The following CACNG3 variants were observed in gnomAD, a reference collection of about 807,000 sequenced individuals.
CACNG3 encodes voltage-dependent calcium channel gamma-3 subunit.
A neutral mutation model predicts 28.5 loss-of-function variants in CACNG3; 3 were observed. That is an observed-to-expected ratio of 0.11 (90% confidence interval 0.05 to 0.27). CACNG3 has a LOEUF of 0.27. Among genes scored for constraint, CACNG3 ranks in the 10% least tolerant of loss-of-function variants. The pLI, the probability that CACNG3 is intolerant of heterozygous loss-of-function variation, is 1.00. For synonymous variants in CACNG3, 174 were observed against 162.2 expected, an observed-to-expected ratio of 1.07 and a Z score of -0.55; for missense variants, 236 against 414.4, an observed-to-expected ratio of 0.57 and a Z score of 3.74.
chr16:24,306,979 G>A (rs1163182882), intron 1 of CACNG3, among the ~76,000 whole-genome samples: 2 of 152,120 alleles, frequency 1.3e-5, no homozygotes, highest in South Asian at 4.1e-4. Context: ...TGCCGCTCCG[G>A]GTACTGCTCT....
chr16:24,350,014 C>T (rs1899920152), intron 2 of CACNG3, among the ~76,000 whole-genome samples: 1 of 152,106 alleles, frequency 6.6e-6, no homozygotes, highest in East Asian at 1.9e-4. Flanking sequence ...CCCTTAAGAC[C>T]TTAACTTAGC....
At chr16:24,285,153 G>A (rs1448895089) in intron 1 of CACNG3, among the ~76,000 whole-genome samples, 1 of 152,144 alleles carries the variant, frequency 6.6e-6, no homozygotes, top group African/African-American at 2.4e-5. Flanking sequence ...GACTTACTCT[G>A]GGAAAGGCAC....
intron 1 of CACNG3, among the ~76,000 whole-genome samples, chr16:24,283,151 G>A (rs958319324): frequency 2.0e-5 from 3 of 152,136 alleles, no homozygotes; most frequent in East Asian, 1.9e-4. Flanking sequence ...CTAGAAGAGC[G>A]CCTTCTTCTC....
At chr16:24,351,839 T>C (rs1325252591) in intron 2 of CACNG3, among the ~76,000 whole-genome samples, 1 of 144,268 alleles carries the variant, frequency 6.9e-6, no homozygotes, top group Non-Finnish European at 1.5e-5. Context: ...CTCTTTTTTT[T>C]TTTTTTTTTT....
chr16:24,321,914 A>G (rs1329425174), intron 1 of CACNG3, among the ~76,000 whole-genome samples: 1 of 152,228 alleles, frequency 6.6e-6, no homozygotes, highest in Non-Finnish European at 1.5e-5. Context: ...AGGTACGTAG[A>G]GGAAAAATCA....
At chr16:24,335,814 G>A (rs151069991) in intron 1 of CACNG3, among the ~76,000 whole-genome samples, 120 of 152,146 alleles carry the variant, frequency 7.9e-4, no homozygotes, top group Middle Eastern at 6.8e-3. Flanking sequence ...GGTGGCTCAC[G>A]CCTGTAATCT....
At chr16:24,331,257 A>C (rs1196530036) in intron 1 of CACNG3, among the ~76,000 whole-genome samples, 1 of 152,106 alleles carries the variant, frequency 6.6e-6, no homozygotes, top group East Asian at 1.9e-4. Flanking sequence ...TTCACTCTAA[A>C]CCTCCCAAAC....
chr16:24,286,664 T>A (rs77955161), intron 1 of CACNG3, among the ~76,000 whole-genome samples: 1,598 of 152,308 alleles, frequency 0.01, 37 homozygotes, highest in African/African-American at 0.037. Flanking sequence ...CTTAGGTACA[T>A]GTCTTCCGTC....
At chr16:24,304,358 A>G (rs1316009159) in intron 1 of CACNG3, among the ~76,000 whole-genome samples, 1 of 152,098 alleles carries the variant, frequency 6.6e-6, no homozygotes, top group Non-Finnish European at 1.5e-5. Flanking sequence ...CATTTTTTTT[A>G]GCTTTTTAAA....
chr16:24,341,875 G>A (rs1036583423), intron 1 of CACNG3, among the ~76,000 whole-genome samples: 11 of 152,130 alleles, frequency 7.2e-5, no homozygotes, highest in Non-Finnish European at 1.3e-4. Context: ...CGTCATCCAG[G>A]GATTCATTAC....
chr16:24,313,095 G>GGAAA (rs1899296977), intron 1 of CACNG3, among the ~76,000 whole-genome samples: 1 of 151,206 alleles, frequency 6.6e-6, no homozygotes, highest in Admixed American at 6.6e-5. Flanking sequence ...AAGGAAGGAA[G>GGAAA]GAAGGAAGGA....
chr16:24,350,563 A>G (rs1388339414), intron 2 of CACNG3, among the ~76,000 whole-genome samples: 1 of 152,136 alleles, frequency 6.6e-6, no homozygotes, highest in East Asian at 1.9e-4. Flanking sequence ...TTGCCTCCCA[A>G]AGTGCTGAGA....
chr16:24,324,706 C>G (rs998878967), intron 1 of CACNG3, among the ~76,000 whole-genome samples: 9 of 152,118 alleles, frequency 5.9e-5, no homozygotes, highest in Non-Finnish European at 1.0e-4. Flanking sequence ...GGCCCATGTG[C>G]TCTCCCTCCT....
intron 1 of CACNG3, among the ~76,000 whole-genome samples, chr16:24,316,756 T>C (rs1377001969): frequency 6.6e-6 from 1 of 152,204 alleles, no homozygotes; most frequent in African/African-American, 2.4e-5. Flanking sequence ...TGACACGGTT[T>C]GGCCCAGTTA....
chr16:24,297,904 C>G (rs546938265), intron 1 of CACNG3, among the ~76,000 whole-genome samples: 2 of 152,154 alleles, frequency 1.3e-5, no homozygotes, highest in East Asian at 1.9e-4. Flanking sequence ...GGATCATACC[C>G]CAAAGTTGTT....
chr16:24,271,865 C>A (rs1001018423), intron 1 of CACNG3, among the ~76,000 whole-genome samples: 1 of 149,092 alleles, frequency 6.7e-6, no homozygotes, highest in Non-Finnish European at 1.5e-5. Flanking sequence ...GTGAGTCCCC[C>A]AAGGTGCCCC....
intron 1 of CACNG3, among the ~76,000 whole-genome samples, chr16:24,332,914 G>A (rs1018497069): frequency 2.0e-5 from 3 of 152,094 alleles, no homozygotes; most frequent in Non-Finnish European, 2.9e-5. Context: ...GAGGCAAAAC[G>A]TGATGTGTTA....
Position 24,256,335 on chromosome 16 carries a change from A to T in CACNG3, c.-420A>T. ...CACGCACGCACACACACACACACAC[A>T]CACTCACACAGAGACCTCTCTGGGT... On this transcript the variant is annotated 5_prime_UTR_variant, in exon 1 of 4. Transcript: ENST00000005284. This position sits in a 1 kb window ranked among gnomAD's most constrained non-coding sequence, Gnocchi z 4.6. 1.3e-5 allele frequency: 3 copies of T among 227,002 alleles called. No individual in the cohort carries two copies. Among genetic ancestry groups the T allele is most frequent in the African/African-American group, 2.3e-5 (1 of 43,510 alleles). The allele number at this position is 227,002 out of a possible 1,614,324, so 14.1% of individuals were successfully genotyped here.
At chr16:24,264,590 A>G (rs368422860) in intron 1 of CACNG3, among the ~76,000 whole-genome samples, 34 of 152,210 alleles carry the variant, frequency 2.2e-4, no homozygotes, top group African/African-American at 7.7e-4. Flanking sequence ...ACAGCAAACA[A>G]GAAAGGTTTA....
Sources: allele counts gnomAD v4.1 joint callset (sites outside exome capture counted in the v4.1 genomes callset), GRCh38; gene constraint gnomAD v4.1.1; non-coding constraint Gnocchi (gnomAD v3.1); transcripts MANE v1.5; gene names NCBI Gene and HGNC (gene_info 2026-07-23, HGNC 2026-07-21).